CNIH3: variants seen among roughly 807,000 people sequenced by gnomAD.
CNIH3 encodes the protein cornichon family AMPA receptor auxiliary protein 3.
CNIH3 carries 14 observed loss-of-function variants against 24.1 expected under a neutral mutation model. The ratio of observed to expected loss-of-function variants is 0.58; its 90% CI spans 0.38 to 0.91. The LOEUF is 0.91. Ranked by LOEUF, CNIH3 falls within the 40% of genes least tolerant of loss-of-function variation. The pLI is 0.00. For missense variants in CNIH3, 178 were observed against 196.8 expected (o/e 0.90, Z 0.57); for synonymous variants, 68 against 73.8 (o/e 0.92, Z 0.40).
chr1:224,526,013 G>A (rs1004256857), intron 2 of CNIH3, among the ~76,000 whole-genome samples: 1 of 152,110 alleles, frequency 6.6e-6, no homozygotes, highest in African/African-American at 2.4e-5. Flanking sequence ...AGCTCTGCGG[G>A]GTTCTCTCTC....
intron 1 of CNIH3, among the ~76,000 whole-genome samples, chr1:224,447,955 C>G (rs1341750003): frequency 6.6e-6 from 1 of 152,190 alleles, no homozygotes; most frequent in African/African-American, 2.4e-5. Context: ...TGCCCAGGGT[C>G]ACACAGCTCG....
rs1674989872 is a variant in CNIH3 at position 224,443,085 on chromosome 1, A to T, written n.203+8223A>T. Among the ~76,000 whole-genome samples the T allele has an allele frequency of 5.9e-5, 9 of 152,228 alleles. No homozygotes were observed. The South Asian group carries it at 1.9e-3, about 31-fold the overall frequency. ...ACCAAAGGTAGAGTTCATTTCTCCAAGAAATCCTTGTTGAAACAGACATTA... is the reference window on the plus strand; with the variant it reads ...ACCAAAGGTAGAGTTCATTTCTCCATGAAATCCTTGTTGAAACAGACATTA... On this transcript the variant is annotated intron_variant and non_coding_transcript_variant, in intron 1 of 5. Transcript: ENST00000471578.
chr1:224,645,561 T>C (rs991390219), intron 1 of CNIH3, among the ~76,000 whole-genome samples: 2 of 152,266 alleles, frequency 1.3e-5, no homozygotes, highest in South Asian at 4.1e-4. Context: ...GTGCTCCTGA[T>C]GTGCTTATTT....
upstream of CNIH3, among the ~76,000 whole-genome samples, chr1:224,512,342 CAT>C: frequency 6.6e-6 from 1 of 152,028 alleles, no homozygotes; most frequent in African/African-American, 2.4e-5. Flanking sequence ...ATTAGCGAGG[CAT>C]GGTGGTGCAC....
intron 1 of CNIH3, among the ~76,000 whole-genome samples, chr1:224,620,971 C>T (rs945317006): frequency 3.3e-5 from 5 of 152,172 alleles, no homozygotes; most frequent in Admixed American, 6.5e-5. Context: ...TGCTCCGGCT[C>T]GGTTAAGCCT....
chr1:224,658,721 C>CTT (rs56192840), intron 1 of CNIH3, among the ~76,000 whole-genome samples: 63 of 146,172 alleles, frequency 4.3e-4, no homozygotes, highest in South Asian at 1.1e-3. Flanking sequence ...TCTCTCCCCT[C>CTT]TTTTTTTTTT....
chr1:224,668,239 A>T (rs1297707699), intron 1 of CNIH3, among the ~76,000 whole-genome samples: 4 of 152,182 alleles, frequency 2.6e-5, no homozygotes, highest in African/African-American at 9.6e-5. Flanking sequence ...AAGTTGTTTT[A>T]ACTTTTAAGT....
intron 1 of CNIH3, among the ~76,000 whole-genome samples, chr1:224,453,142 T>C (rs1462050342): frequency 1.3e-5 from 2 of 151,682 alleles, no homozygotes; most frequent in East Asian, 3.9e-4. Flanking sequence ...ATATGTATTA[T>C]ATACACATAT....
intron 1 of CNIH3, among the ~76,000 whole-genome samples, chr1:224,636,432 CG>C (rs1684090495): frequency 1.3e-5 from 2 of 152,276 alleles, no homozygotes; most frequent in South Asian, 4.1e-4. Flanking sequence ...GGACGAAGCC[CG>C]GAGGGGAATT....
chr1:224,479,409 C>T (rs191497182), intron 1 of CNIH3, among the ~76,000 whole-genome samples: 7 of 152,046 alleles, frequency 4.6e-5, no homozygotes, highest in Non-Finnish European at 1.0e-4. Flanking sequence ...CCGCCTTGGC[C>T]TCCCAAAGTG....
intron 3 of CNIH3, among the ~76,000 whole-genome samples, chr1:224,708,230 A>G (rs1431787016): frequency 6.6e-6 from 1 of 151,888 alleles, no homozygotes; most frequent in Non-Finnish European, 1.5e-5. Flanking sequence ...CTCCCATCTC[A>G]GGGCCTCTCT....
At position 224,604,968 on chromosome 1, in the gene CNIH3, T is replaced by C. The variant is rs532214466; in HGVS notation, n.402+38704T>C. Among the ~76,000 whole-genome samples the C allele has an allele frequency of 1.3e-5, 2 of 152,296 alleles. No homozygotes were observed. The highest frequency in any genetic ancestry group is 3.9e-4 in the East Asian group (2 of 5,182). On this transcript the variant is annotated intron_variant and non_coding_transcript_variant, in intron 3 of 7. Coordinates refer to the CNIH3 transcript ENST00000478120. This position sits in a 1 kb window ranked among gnomAD's most constrained non-coding sequence, Gnocchi z 4.4. Reference sequence around the variant, plus strand: ...GCTACCTGAAAGCAGGAAAGTTCCCTGTGTGGTTGGGTCCAGGGCCTTTTA... The same window carrying C: ...GCTACCTGAAAGCAGGAAAGTTCCCCGTGTGGTTGGGTCCAGGGCCTTTTA...
In CNIH3 at chr1:224,684,258, C is replaced by G. The variant is rs1686543744; in HGVS notation, c.151-538C>G. Among the ~76,000 whole-genome samples, 1 of 152,208 alleles carries G rather than the reference C, an allele frequency of 6.6e-6. No individual in the cohort carries two copies. The highest frequency in any genetic ancestry group is 2.4e-5 in the African/African-American group (1 of 41,454). ...ACTCGAACTTCTTAAAAAGCCTTAG[C>G]CTGGGGGCATCATTGTTGTCTAATT... is the stretch of plus-strand genomic sequence containing the variant. On this transcript the variant is annotated intron_variant, in intron 2 of 5. Transcript: ENST00000272133. This position sits in a 1 kb window ranked among gnomAD's most constrained non-coding sequence, Gnocchi z 4.2.
At chr1:224,719,252 A>C (rs987217373) in intron 3 of CNIH3, 2 of 152,246 alleles carry the variant, frequency 1.3e-5, no homozygotes, top group Non-Finnish European at 2.9e-5. Flanking sequence ...CACAGCACTG[A>C]CTTGAGAGGT....
At position 224,713,887 on chromosome 1, in the gene CNIH3, C is replaced by G. The variant is rs372261576; in HGVS notation, c.199-16575C>G. ...CTGGAATGCAGTGGCATAATCACAG[C>G]TCACTGCAGCCTCATCTTTTGGGCA... On this transcript the variant is annotated intron_variant, in intron 3 of 5. Transcript: ENST00000272133. 9.2e-5 allele frequency among the ~76,000 whole-genome samples: 14 copies of G among 152,320 alleles called. No individual in the cohort carries two copies. In the East Asian group the frequency reaches 1.5e-3, roughly 17 times the overall value.
intron 3 of CNIH3, among the ~76,000 whole-genome samples, chr1:224,718,072 A>C (rs756318834): frequency 6.6e-6 from 1 of 152,232 alleles, no homozygotes; most frequent in Non-Finnish European, 1.5e-5. Context: ...AGTCATGAAA[A>C]AGACAAGCTG....
intron 1 of CNIH3, among the ~76,000 whole-genome samples, chr1:224,621,587 C>T (rs966933322): frequency 1.3e-5 from 2 of 152,248 alleles, no homozygotes; most frequent in Non-Finnish European, 2.9e-5. Flanking sequence ...CCAGCCTGCT[C>T]CATCCCCCTT....
chr1:224,578,431 C>A (rs1681129767), intron 4 of CNIH3, among the ~76,000 whole-genome samples: 1 of 152,174 alleles, frequency 6.6e-6, no homozygotes, highest in Non-Finnish European at 1.5e-5. Flanking sequence ...TCTATGCCTA[C>A]TGCACAGCTG....
At chr1:224,542,206 T>C (rs149055260), downstream of CNIH3, among the ~76,000 whole-genome samples, 16 of 152,366 alleles carry the variant, frequency 1.1e-4, no homozygotes, top group East Asian at 2.7e-3. Context: ...CTTCTTAAAA[T>C]TCATTCTTTT....
Sources: gnomAD v4.1 joint callset for allele counts (sites outside exome capture counted in the v4.1 genomes callset) on GRCh38, gnomAD v4.1.1 for gene constraint, Gnocchi (gnomAD v3.1) non-coding constraint, MANE v1.5 for transcripts, NCBI Gene and HGNC (gene_info 2026-07-23, HGNC 2026-07-21) for gene names.